Variants in PUM1 observed in about 807,000 individuals in gnomAD.
PUM1 encodes pumilio homolog 1.
PUM1 carries 13 observed loss-of-function variants against 131.8 expected under a neutral mutation model. The ratio of observed to expected loss-of-function variants is 0.10; its 90% CI spans 0.06 to 0.16. The LOEUF (loss-of-function observed/expected upper bound fraction) is 0.16, where lower values mean the gene tolerates loss of function less well. Ranked by LOEUF, PUM1 falls within the 10% of genes least tolerant of loss-of-function variation. PUM1 has a pLI of 1.00. For missense variants in PUM1, 961 were observed against 1,512.4 expected (o/e 0.64, Z 6.05); for synonymous variants, 509 against 556.5 (o/e 0.91, Z 1.20).
intron 14 of PUM1, among the ~76,000 whole-genome samples, chr1:30,963,044 T>C (rs929837694): frequency 6.6e-6 from 1 of 152,178 alleles, no homozygotes; most frequent in Non-Finnish European, 1.5e-5. Context: ...ACTGCATGCT[T>C]TGGAGTCGAA....
intron 3 of PUM1, among the ~76,000 whole-genome samples, chr1:31,009,782 A>ACAAAAAAAAC (rs1553150212): frequency 8.0e-6 from 1 of 125,368 alleles, no homozygotes; most frequent in Non-Finnish European, 1.6e-5. Context: ...AAAAAAAAAA[A>ACAAAAAAAAC]AAAAACAAAA....
At chr1:30,974,485 T>C (rs1024749989) in intron 10 of PUM1, among the ~76,000 whole-genome samples, 166 bp downstream of exon 10, 3 of 152,210 alleles carry the variant, frequency 2.0e-5, no homozygotes, top group Admixed American at 6.5e-5. Context: ...ATAAAAGACA[T>C]TCCGTAAGAG....
chr1:31,041,742 C>G (rs1271777005), intron 2 of PUM1, among the ~76,000 whole-genome samples: 1 of 152,164 alleles, frequency 6.6e-6, no homozygotes, highest in Non-Finnish European at 1.5e-5. Flanking sequence ...GCCTCACCAG[C>G]AGCAGATGCT....
intron 2 of PUM1, among the ~76,000 whole-genome samples, chr1:31,043,836 T>C (rs1252095658): frequency 6.6e-6 from 1 of 152,162 alleles, no homozygotes; most frequent in Non-Finnish European, 1.5e-5. Context: ...TCCAAATCCA[T>C]AGTGTAAGTT....
chr1:31,052,940 C>G (rs1437589433), intron 2 of PUM1, among the ~76,000 whole-genome samples: 5 of 151,570 alleles, frequency 3.3e-5, no homozygotes, highest in African/African-American at 1.2e-4. Context: ...CTGGCCTCAA[C>G]TGATCCGCCC....
chr1:30,993,173 A>T (rs2124487130), intron 6 of PUM1, among the ~76,000 whole-genome samples: 1 of 152,274 alleles, frequency 6.6e-6, no homozygotes, highest in African/African-American at 2.4e-5. Flanking sequence ...TTACTGACCA[A>T]TGTTAAAACT....
At chr1:31,033,837 G>C (rs1009527114) in intron 2 of PUM1, among the ~76,000 whole-genome samples, 2 of 151,904 alleles carry the variant, frequency 1.3e-5, no homozygotes, top group African/African-American at 4.8e-5. Flanking sequence ...GTAGAGACAA[G>C]GTTTCACTAT....
intron 2 of PUM1, among the ~76,000 whole-genome samples, chr1:31,053,296 A>AGCCT: frequency 6.7e-6 from 1 of 150,066 alleles, no homozygotes; most frequent in African/African-American, 2.4e-5. Flanking sequence ...CACCACGCCC[A>AGCCT]GTCCACATTA....
chr1:31,037,951 G>A (rs538995391), intron 2 of PUM1, among the ~76,000 whole-genome samples: 27 of 151,514 alleles, frequency 1.8e-4, no homozygotes, highest in African/African-American at 4.8e-4. Context: ...TGGTGGCAGG[G>A]GCCTGTAGTC....
intron 2 of PUM1, among the ~76,000 whole-genome samples, chr1:31,032,967 G>C (rs192528292): frequency 1.3e-5 from 2 of 151,948 alleles, no homozygotes; most frequent in Admixed American, 6.6e-5. Context: ...TTAGCTGGGC[G>C]TGATGGCGCA....
At chr1:31,011,274 G>A (rs201369272) in intron 3 of PUM1, among the ~76,000 whole-genome samples, 1 of 151,508 alleles carries the variant, frequency 6.6e-6, no homozygotes, top group Non-Finnish European at 1.5e-5. Flanking sequence ...TGAATATGTG[G>A]AAGTATTTTT....
At chr1:30,946,975 T>A (rs1339924898) in intron 17 of PUM1, among the ~76,000 whole-genome samples, 1 of 152,192 alleles carries the variant, frequency 6.6e-6, no homozygotes, top group Non-Finnish European at 1.5e-5. Context: ...GATAACTCTG[T>A]AAAGTATGAC....
chr1:30,987,602 C>T (rs1641615442), intron 7 of PUM1, among the ~76,000 whole-genome samples: 2 of 152,144 alleles, frequency 1.3e-5, no homozygotes, highest in Admixed American at 6.5e-5. Flanking sequence ...ATGGTATGAA[C>T]ACATTATGCA....
chr1:31,039,222 ATT>A (rs1321020031), intron 2 of PUM1, among the ~76,000 whole-genome samples: 2 of 111,920 alleles, frequency 1.8e-5, no homozygotes, highest in African/African-American at 6.9e-5. Context: ...CAAAAAAAAA[ATT>A]TTTTTTTTTT....
At position 31,005,783 on chromosome 1, in the gene PUM1, G is replaced by A. The variant is rs1343904964; in HGVS notation, c.720+70C>T. 1.9e-5 allele frequency: 27 copies of A among 1,393,366 alleles called. No homozygotes were observed. The Admixed American group carries it at 7.2e-4, about 37-fold the overall frequency. The allele number at this position is 1,393,366 out of a possible 1,614,324, so 86.3% of individuals were successfully genotyped here. A position where few individuals can be genotyped will look rare whatever the true frequency, so the allele number is the denominator to read the frequency against. ...ACTAAACAGGCATGTTTTGCTTTAG[G>A]GGAAAAAAAGAGAGAGAGAGAGAGA... On this transcript the variant is annotated intron_variant, in intron 5 of 21. Transcript: ENST00000426105.
chr1:31,025,291 C>A (rs1643180226), intron 3 of PUM1, among the ~76,000 whole-genome samples: 1 of 152,080 alleles, frequency 6.6e-6, no homozygotes, highest in South Asian at 2.1e-4. Flanking sequence ...TAACAAGAGT[C>A]AACCAGCACT....
chr1:31,036,833 G>A (rs573820081), intron 2 of PUM1: 1 of 153,610 alleles, frequency 6.5e-6, no homozygotes, highest in East Asian at 1.9e-4. Context: ...ACATTAATGT[G>A]GGTGGTTCAG....
chr1:31,060,829 T>C (rs1046124892), intron 1 of PUM1, among the ~76,000 whole-genome samples: 1 of 151,232 alleles, frequency 6.6e-6, no homozygotes, highest in Admixed American at 6.6e-5. Context: ...GAGGTTGCAG[T>C]GAGCCAAGAT....
intron 16 of PUM1, among the ~76,000 whole-genome samples, chr1:30,951,762 G>C (rs556811692): frequency 6.6e-6 from 1 of 152,172 alleles, no homozygotes; most frequent in East Asian, 1.9e-4. Flanking sequence ...AAGGCCAAAC[G>C]ATCAGCCAAG....
Sources: allele counts gnomAD v4.1 joint callset (sites outside exome capture counted in the v4.1 genomes callset), GRCh38; gene constraint gnomAD v4.1.1; transcripts MANE v1.5; gene names NCBI Gene and HGNC (gene_info 2026-07-23, HGNC 2026-07-21).